Variants in CLIP2 observed in about 807,000 individuals in gnomAD.
The protein encoded by CLIP2 is CAP-Gly domain containing linker protein 2, also known as CAP-Gly domain-containing linker protein 2.
Under a neutral mutation model 111.7 loss-of-function variants are expected in CLIP2, and 41 were observed. That is an observed-to-expected ratio of 0.37 (90% CI 0.29 to 0.48). The LOEUF (loss-of-function observed/expected upper bound fraction) is 0.48, where lower values mean the gene tolerates loss of function less well. Ranked by LOEUF, CLIP2 falls within the 20% of genes least tolerant of loss-of-function variation. The pLI, the probability that CLIP2 is intolerant of heterozygous loss-of-function variation, is 0.99. For missense variants in CLIP2, 1,160 were observed against 1,422.1 expected (o/e 0.82, Z 2.96); for synonymous variants, 660 against 644.2 (o/e 1.02, Z -0.37).
chr7:74,349,960 G>A (rs548164727), intron 3 of CLIP2, among the ~76,000 whole-genome samples: 73 of 152,070 alleles, frequency 4.8e-4, no homozygotes, highest in Middle Eastern at 6.8e-3. Context: ...CAAATCTGTA[G>A]CGATAGGATA....
intron 1 of CLIP2, among the ~76,000 whole-genome samples, chr7:74,310,814 C>T (rs143469770): frequency 1.3e-5 from 2 of 151,604 alleles, no homozygotes; most frequent in Admixed American, 6.6e-5. Context: ...TGGGTTCAAG[C>T]GATTCTTGTG....
chr7:74,298,069 G>A (rs1047669948), intron 1 of CLIP2, among the ~76,000 whole-genome samples: 3 of 152,112 alleles, frequency 2.0e-5, no homozygotes, highest in Non-Finnish European at 4.4e-5. Flanking sequence ...CCCACGGTCC[G>A]GTGCAGTGCC....
chr7:74,364,180 T>G (rs1490870227), intron 7 of CLIP2, 75 bp from the exon 8 acceptor site: 1 of 1,363,980 alleles, frequency 7.3e-7, no homozygotes, highest in African/African-American at 1.4e-5. Context: ...CTTGCCTCTC[T>G]CTGCTGTTGC....
chr7:74,350,250 C>G (rs1789945180), intron 3 of CLIP2, among the ~76,000 whole-genome samples: 1 of 152,114 alleles, frequency 6.6e-6, no homozygotes, highest in Non-Finnish European at 1.5e-5. Flanking sequence ...TGGGGTTTCA[C>G]CATGTTGCCC....
Position 74,376,323 on chromosome 7 carries a change from C to T in CLIP2, c.1922C>T (p.Ala641Val). The change falls in exon 10 of 17, where the codon GCC becomes GTC. Residue 641 changes from alanine to valine, a missense_variant. By Grantham distance (64) the Ala-to-Val change is moderately conservative. This residue lies in a region of CLIP2 where 676 missense variants were observed against 777.8 expected (regional missense o/e 0.87). Coordinates refer to ENST00000223398, the MANE Select transcript of CLIP2 (RefSeq NM_003388.5). This position sits in a 1 kb window ranked among gnomAD's most constrained non-coding sequence, Gnocchi z 7.1. ...LKATLNSGPG[A>V]QQKEIGELKA... ...GCCACCCTGAACTCGGGCCCAGGCG[C>T]CCAGCAGAAGGAGATCGGCGAGCTG... The T allele has an allele frequency of 6.2e-7, 1 of 1,613,900 alleles. No homozygotes were observed. Among genetic ancestry groups the T allele is most frequent in the African/African-American group, 1.3e-5 (1 of 75,012 alleles).
In CLIP2 at chr7:74,376,561, G is replaced by A. The variant is rs1320761004; in HGVS notation, c.2160G>A (p.Glu720=). 1 of 1,607,984 alleles carries A rather than the reference G, an allele frequency of 6.2e-7. No homozygotes were observed. The highest frequency in any genetic ancestry group is 8.5e-7 in the Non-Finnish European group (1 of 1,177,858). Residue 720 remains glutamate, a synonymous_variant, in exon 10 of 17, where the codon GAG becomes GAA. Coordinates refer to ENST00000223398, the MANE Select transcript of CLIP2 (RefSeq NM_003388.5). This position sits in a 1 kb window ranked among gnomAD's most constrained non-coding sequence, Gnocchi z 7.1. ...GCCAGCACCGGCTGGAGCTGCAGGA[G>A]GCCCAGGACCAGCGCCGGGATGCCG... The part of the protein sequence containing the change: ...QASQHRLELQ[E]AQDQRRDAEL...
intron 13 of CLIP2, among the ~76,000 whole-genome samples, chr7:74,396,678 G>A (rs1369158071): frequency 2.0e-5 from 3 of 151,948 alleles, no homozygotes; most frequent in Admixed American, 6.6e-5. Flanking sequence ...TTACCACCAC[G>A]ACTGGCTAAT....
chr7:74,329,465 A>C (rs534138844), intron 2 of CLIP2, among the ~76,000 whole-genome samples: 2 of 152,250 alleles, frequency 1.3e-5, no homozygotes, highest in African/African-American at 4.8e-5. Flanking sequence ...TTGGTACATC[A>C]AAGGCTCTGA....
At chr7:74,399,299 A>G (rs1002015462) in intron 14 of CLIP2, among the ~76,000 whole-genome samples, 11 of 152,046 alleles carry the variant, frequency 7.2e-5, no homozygotes, top group Non-Finnish European at 1.2e-4. Context: ...CTGCTTTGGG[A>G]GGCCAAGTTG....
At chr7:74,387,954 G>A (rs868955239) in intron 12 of CLIP2, among the ~76,000 whole-genome samples, 9 of 152,128 alleles carry the variant, frequency 5.9e-5, no homozygotes, top group Non-Finnish European at 1.2e-4. Context: ...TTGGGAGGCC[G>A]AGGAGGGAGG....
chr7:74,399,670 G>A (rs1791564399), intron 14 of CLIP2, among the ~76,000 whole-genome samples: 1 of 151,662 alleles, frequency 6.6e-6, no homozygotes, highest in Non-Finnish European at 1.5e-5. Flanking sequence ...CTCCAGAGTA[G>A]CTGGGACTAC....
Position 74,390,162 on chromosome 7 carries a change from GAAGAAAGAAAGAAAGAAAGA to G in CLIP2, c.2720+947_2720+966del, listed in dbSNP as rs200256078. Among the ~76,000 whole-genome samples the G allele has an allele frequency of 3.0e-3, 251 of 85,008 alleles. 2 individuals carry two copies. The highest frequency in any genetic ancestry group is 9.6e-3 in the East Asian group (34 of 3,552). The allele number at this position is 85,008 out of a possible 152,430, so 55.8% of individuals were successfully genotyped here. On this transcript the variant is annotated intron_variant, in intron 13 of 16. Coordinates refer to ENST00000223398, the MANE Select transcript of CLIP2 (RefSeq NM_003388.5). ...AAAGAAAGAAAGAAAAAGAAAGAAA[GAAGAAAGAAAGAAAGAAAGA>G]AAGAAAGAAAGAAAGAAAGAAAGAA...
At chr7:74,392,436 G>A (rs953576408) in intron 13 of CLIP2, among the ~76,000 whole-genome samples, 32 of 152,014 alleles carry the variant, frequency 2.1e-4, no homozygotes, top group Non-Finnish European at 3.1e-4. Flanking sequence ...AGGAGGCTGC[G>A]GTAGTAGGAT....
intron 1 of CLIP2, among the ~76,000 whole-genome samples, chr7:74,298,205 A>T (rs370589635): frequency 2.7e-4 from 41 of 151,420 alleles, no homozygotes; most frequent in Non-Finnish European, 4.3e-4. Flanking sequence ...CTTTTTTTTG[A>T]GACACAGTTT....
intron 3 of CLIP2, 104 bp downstream of exon 3, chr7:74,339,108 T>G: frequency 9.1e-7 from 1 of 1,095,122 alleles, no homozygotes. Flanking sequence ...GGGTGGGGAC[T>G]CGAAGGGGGC....
At chr7:74,296,610 A>G (rs1788175365) in intron 1 of CLIP2, among the ~76,000 whole-genome samples, 1 of 151,472 alleles carries the variant, frequency 6.6e-6, no homozygotes, top group Non-Finnish European at 1.5e-5. Context: ...CAATGTGGTG[A>G]AACCCTGTTT....
chr7:74,306,780 C>T (rs1788503168), intron 1 of CLIP2, among the ~76,000 whole-genome samples: 1 of 152,194 alleles, frequency 6.6e-6, no homozygotes, highest in South Asian at 2.1e-4. Flanking sequence ...GGGCATACTC[C>T]TGGGGTGTCT....
At chr7:74,384,147 G>A (rs946705982) in intron 11 of CLIP2, among the ~76,000 whole-genome samples, 10 of 152,006 alleles carry the variant, frequency 6.6e-5, no homozygotes, top group Non-Finnish European at 1.2e-4. Context: ...CCAAGATCGC[G>A]CCACTGCACT....
At chr7:74,395,750 G>C (rs1262751564) in intron 13 of CLIP2, among the ~76,000 whole-genome samples, 2 of 152,180 alleles carry the variant, frequency 1.3e-5, no homozygotes, top group Admixed American at 1.3e-4. Context: ...AGATCAGCTA[G>C]GAATGCTTTG....
Sources: gnomAD v4.1 joint callset for allele counts (sites outside exome capture counted in the v4.1 genomes callset) on GRCh38, gnomAD v4.1.1 for gene constraint, gnomAD v4.1.1 regional missense constraint, Gnocchi (gnomAD v3.1) non-coding constraint, MANE v1.5 for transcripts, NCBI Gene and HGNC (gene_info 2026-07-23, HGNC 2026-07-21) for gene names.